ATG5: variants seen among roughly 807,000 people sequenced by gnomAD.
ATG5 encodes autophagy protein 5.
Under a neutral mutation model 36.5 loss-of-function variants are expected in ATG5, and 14 were observed. That is an observed-to-expected ratio of 0.38 (90% CI 0.25 to 0.60). ATG5 has a LOEUF of 0.60. ATG5 is among the 20% of genes least tolerant of loss of function. The pLI, the probability that ATG5 is intolerant of heterozygous loss-of-function variation, is 0.60. For synonymous variants in ATG5, 95 were observed against 101.5 expected (o/e 0.94, Z 0.38); for missense variants, 195 against 326.7 (o/e 0.60, Z 3.11).
intron 6 of ATG5, among the ~76,000 whole-genome samples, chr6:106,203,486 A>AT (rs1363070140): frequency 6.6e-6 from 1 of 152,222 alleles, no homozygotes; most frequent in African/African-American, 2.4e-5. Flanking sequence ...GAATAAAAGC[A>AT]TTTTTACCTC....
rs1337572316 is a variant in ATG5, at chr6:106,185,857, T to C, written c.*683A>G. On this transcript the variant is annotated 3_prime_UTR_variant, in exon 8 of 8. Transcript: ENST00000369076. Reference sequence around the variant, plus strand: ...GACCAGTCAAAATGGTAACACAGAGTAAAAAGTGATCTACTGTATGTGAGT... The same window carrying C: ...GACCAGTCAAAATGGTAACACAGAGCAAAAAGTGATCTACTGTATGTGAGT... 1 of 152,234 alleles carries C rather than the reference T, an allele frequency of 6.6e-6. No individual in the cohort carries two copies. Among genetic ancestry groups the C allele is most frequent in the Admixed American group, 6.6e-5 (1 of 15,250 alleles). The allele number at this position is 152,234 out of a possible 1,614,324, so 9.4% of individuals were successfully genotyped here. A position where few individuals can be genotyped will look rare whatever the true frequency, so the allele number is the denominator to read the frequency against.
intron 6 of ATG5, among the ~76,000 whole-genome samples, chr6:106,236,129 C>T (rs1245245815): frequency 6.6e-6 from 1 of 152,130 alleles, no homozygotes; most frequent in Non-Finnish European, 1.5e-5. Context: ...GTTCTTTTTA[C>T]TCAATGTAAT....
At position 106,186,312 on chromosome 6, in the gene ATG5, T is replaced by C; in HGVS notation, c.*228A>G. 2.1e-6 allele frequency: 1 copy of C among 486,564 alleles called. No homozygotes were observed. The highest frequency in any genetic ancestry group is 3.6e-6 in the Non-Finnish European group (1 of 277,098). 30.1% of individuals were successfully genotyped at this position (486,564 alleles called of 1,614,324 possible). On this transcript the variant is annotated 3_prime_UTR_variant, in exon 8 of 8. Transcript: ENST00000369076. ...GACCTTCAGTGGTCCGGTAAGTCTT[T>C]CATGTCACAGCTGAGGTTTAATGAT...
chr6:106,214,628 AT>A (rs1418461848), intron 6 of ATG5, among the ~76,000 whole-genome samples: 7 of 152,158 alleles, frequency 4.6e-5, no homozygotes, highest in Non-Finnish European at 1.0e-4. Context: ...TGTTATACTT[AT>A]TATAATTCTG....
chr6:106,291,601 T>A (rs1198992477), intron 4 of ATG5, among the ~76,000 whole-genome samples: 1 of 152,202 alleles, frequency 6.6e-6, no homozygotes, highest in African/African-American at 2.4e-5. Flanking sequence ...TATATTTTAA[T>A]CTAGATTTCA....
intron 3 of ATG5, among the ~76,000 whole-genome samples, chr6:106,307,190 T>C (rs1161969900): frequency 6.6e-6 from 1 of 152,194 alleles, no homozygotes; most frequent in Non-Finnish European, 1.5e-5. Flanking sequence ...AACACCTAAG[T>C]AGCTTCCTTT....
chr6:106,286,027 G>A (rs1780063346), intron 4 of ATG5, among the ~76,000 whole-genome samples: 2 of 151,280 alleles, frequency 1.3e-5, no homozygotes, highest in Admixed American at 1.3e-4. Flanking sequence ...AGCATCATAA[G>A]ACGTTCAGTA....
intron 6 of ATG5, among the ~76,000 whole-genome samples, chr6:106,243,451 C>T (rs909887358): frequency 1.1e-4 from 16 of 150,928 alleles, no homozygotes; most frequent in Non-Finnish European, 1.9e-4. Flanking sequence ...TCGCTTGAGC[C>T]GGGAAGGCAG....
intron 2 of ATG5, among the ~76,000 whole-genome samples, chr6:106,313,463 T>C (rs1020766177): frequency 6.6e-6 from 1 of 152,220 alleles, no homozygotes; most frequent in South Asian, 2.1e-4. Context: ...TGATTTCCTC[T>C]AGAAACAAGT....
intron 6 of ATG5, among the ~76,000 whole-genome samples, chr6:106,227,877 A>G (rs1026509486): frequency 6.6e-6 from 1 of 152,224 alleles, no homozygotes; most frequent in African/African-American, 2.4e-5. Context: ...TAGGCAAGCA[A>G]TTACTAGTTG....
In ATG5 at chr6:106,316,160, G is replaced by C. The variant is rs1770841142; in HGVS notation, c.49C>G (p.Pro17Ala). ...VLRDVWFGRI[P>A]TCFTLYQDEI... Reference sequence around the variant, plus strand: ...TCCTGATATAGCGTGAAACAAGTTGGAATTCGTCCAAACCACACATCTCGA... The same window carrying C: ...TCCTGATATAGCGTGAAACAAGTTGCAATTCGTCCAAACCACACATCTCGA... Residue 17 changes from proline (P) to alanine (A), a missense_variant, in exon 2 of 8, where the codon CCA becomes GCA. Coordinates refer to ENST00000369076, the MANE Select transcript of ATG5 (RefSeq NM_004849.4). 2 of 1,613,638 alleles carry C rather than the reference G, an allele frequency of 1.2e-6. No homozygotes were observed. The highest frequency in any genetic ancestry group is 1.7e-6 in the Non-Finnish European group (2 of 1,179,760).
chr6:106,289,049 A>G lies in ATG5; in HGVS notation c.315+3979T>C, dbSNP rs528669364. 8.5e-5 allele frequency among the ~76,000 whole-genome samples: 13 copies of G among 152,348 alleles called. 1 individual carries two copies. Among genetic ancestry groups the G allele is most frequent in the Admixed American group, 2.6e-4 (4 of 15,302 alleles). On this transcript the variant is annotated intron_variant, in intron 4 of 7. Coordinates refer to ENST00000369076, the MANE Select transcript of ATG5 (RefSeq NM_004849.4). ...GAAAACAATTGTAAAAGAAATTCTA[A>G]GAAGTCTGGTTAAAACATCAACATT...
intron 1 of ATG5, among the ~76,000 whole-genome samples, chr6:106,320,476 G>A (rs1404892839): frequency 3.3e-5 from 5 of 152,114 alleles, no homozygotes. Context: ...TTTGGGTTGA[G>A]AGTAGTATTA....
chr6:106,263,388 T>G (rs895272467), intron 5 of ATG5, among the ~76,000 whole-genome samples: 1 of 152,154 alleles, frequency 6.6e-6, no homozygotes, highest in Non-Finnish European at 1.5e-5. Context: ...ACACAGCACC[T>G]GGGGGAAGGG....
intron 6 of ATG5, among the ~76,000 whole-genome samples, chr6:106,202,875 C>A (rs572338880): frequency 6.6e-6 from 1 of 152,250 alleles, no homozygotes; most frequent in South Asian, 2.1e-4. Context: ...GTTGCCCAGG[C>A]TGGTCTCAAA....
intron 2 of ATG5, among the ~76,000 whole-genome samples, chr6:106,315,736 T>C (rs1294318806): frequency 6.6e-6 from 1 of 152,166 alleles, no homozygotes; most frequent in African/African-American, 2.4e-5. Flanking sequence ...TATCTCTTCC[T>C]ATTAAAAAAG....
At chr6:106,241,950 G>A (rs1050395771) in intron 6 of ATG5, among the ~76,000 whole-genome samples, 1 of 151,780 alleles carries the variant, frequency 6.6e-6, no homozygotes, top group Non-Finnish European at 1.5e-5. Flanking sequence ...CCACCACCAT[G>A]ATGGTTCTGT....
intron 5 of ATG5, among the ~76,000 whole-genome samples, chr6:106,270,380 G>A (rs1035269655): frequency 1.3e-5 from 2 of 152,126 alleles, no homozygotes; most frequent in Non-Finnish European, 2.9e-5. Context: ...CACACACAGA[G>A]TTTCAGGTTG....
chr6:106,259,521 T>A (rs1278050649), intron 5 of ATG5, among the ~76,000 whole-genome samples: 1 of 152,222 alleles, frequency 6.6e-6, no homozygotes, highest in Admixed American at 6.5e-5. Flanking sequence ...GAATGAGCTG[T>A]ATTATAATTG....
Sources: allele counts gnomAD v4.1 joint callset (sites outside exome capture counted in the v4.1 genomes callset), GRCh38; gene constraint gnomAD v4.1.1; transcripts MANE v1.5; gene names NCBI Gene and HGNC (gene_info 2026-07-23, HGNC 2026-07-21).